C19orf47: variants seen among roughly 807,000 people sequenced by gnomAD.
C19orf47 encodes uncharacterized protein C19orf47.
Under a neutral mutation model 32.3 loss-of-function variants are expected in C19orf47, and 18 were observed. That is an observed-to-expected ratio of 0.56 (90% CI 0.39 to 0.83). The LOEUF is 0.83. Ranked by LOEUF, C19orf47 falls within the 40% of genes least tolerant of loss-of-function variation. The pLI, the probability that C19orf47 is intolerant of heterozygous loss-of-function variation, is 0.00. For synonymous variants in C19orf47, 202 were observed against 211.1 expected (o/e 0.96, Z 0.37); for missense variants, 484 against 531.6 (o/e 0.91, Z 0.88).
chr19:40,301,089 G>C, the C19orf47 span, among the ~76,000 whole-genome samples: 1 of 152,056 alleles, frequency 6.6e-6, no homozygotes, highest in African/African-American at 2.4e-5. Context: ...CTTGAGCCCG[G>C]GAGGTGGAGG....
the C19orf47 span, among the ~76,000 whole-genome samples, chr19:40,309,428 A>C: frequency 6.6e-6 from 1 of 152,044 alleles, no homozygotes; most frequent in Non-Finnish European, 1.5e-5. Flanking sequence ...ACCTCAGGTG[A>C]TCTGCCGGCC....
the C19orf47 span, among the ~76,000 whole-genome samples, chr19:40,297,872 C>CA: frequency 0.45 from 47,652 of 104,858 alleles, 10,884 homozygotes; most frequent in South Asian, 0.66. Context: ...GACTCCGTCT[C>CA]AAAAAAAAAA....
chr19:40,346,878 T>A (rs1274348573), intron 1 of C19orf47, among the ~76,000 whole-genome samples: 1 of 151,804 alleles, frequency 6.6e-6, no homozygotes, highest in Non-Finnish European at 1.5e-5. Flanking sequence ...ATAAACAGAG[T>A]CCTTAGAACA....
chr19:40,297,701 GAAAA>G, the C19orf47 span, among the ~76,000 whole-genome samples: 10 of 110,862 alleles, frequency 9.0e-5, no homozygotes, highest in Admixed American at 1.7e-4. Context: ...CTCCGTCTCG[GAAAA>G]AAAAAAAAAA....
Position 40,342,007 on chromosome 19 carries a change from C to G in C19orf47, c.-33-117G>C, listed in dbSNP as rs899537826. 2.0e-6 allele frequency: 3 copies of G among 1,507,148 alleles called. No individual in the cohort carries two copies. The Admixed American group carries it at 6.2e-5, about 31-fold the overall frequency. The allele number at this position is 1,507,148 out of a possible 1,614,324, so 93.4% of individuals were successfully genotyped here. Reference sequence around the variant, plus strand: ...ATGTTCCTGGGCTAGGGGCTCACCGCCCAGGAATAGCCTGGAGCAGCTGGC... The same window carrying G: ...ATGTTCCTGGGCTAGGGGCTCACCGGCCAGGAATAGCCTGGAGCAGCTGGC... On this transcript the variant is annotated intron_variant, in intron 1 of 8. Transcript: ENST00000683109.
intron 1 of C19orf47, chr19:40,343,795 A>ATTTT: frequency 7.4e-6 from 1 of 135,594 alleles, no homozygotes; most frequent in Non-Finnish European, 1.6e-5. Context: ...CTTCTGCTCA[A>ATTTT]TTTTTTTTTT....
chr19:40,304,060 T>G, the C19orf47 span, among the ~76,000 whole-genome samples: 1 of 152,160 alleles, frequency 6.6e-6, no homozygotes, highest in African/African-American at 2.4e-5. Flanking sequence ...GGCCTGACTG[T>G]GATGGCAGCC....
chr19:40,300,522 T>C, the C19orf47 span, among the ~76,000 whole-genome samples: 1 of 152,172 alleles, frequency 6.6e-6, no homozygotes, highest in Non-Finnish European at 1.5e-5. Context: ...CTAAAAATTA[T>C]GAGATTCCTA....
At position 40,338,787 on chromosome 19, in the gene C19orf47, G is replaced by T. The variant is rs915961496; in HGVS notation, c.20-2380C>A. ...CCTGCCTCGGCCTCCCAAAGTGCTG[G>T]GATTACAGGCATGCACCATAACACC... On this transcript the variant is annotated intron_variant, in intron 2 of 8. Coordinates refer to ENST00000683109, the MANE Select transcript of C19orf47 (RefSeq NM_001256441.2). 1.8e-4 allele frequency among the ~76,000 whole-genome samples: 27 copies of T among 152,194 alleles called. No homozygotes were observed. In the East Asian group the frequency reaches 5.2e-3, roughly 29 times the overall value.
rs182169625 is a variant in C19orf47 at position 40,339,892 on chromosome 19, T to G, written c.19+1947A>C. ...CTGGAGGCTGAGGCAGGAGAATTGC[T>G]TGAACCCAGGAGGCAGAGGTTGCGG... On this transcript the variant is annotated intron_variant, in intron 2 of 8. Coordinates refer to ENST00000683109, the MANE Select transcript of C19orf47 (RefSeq NM_001256441.2). 7.0e-3 allele frequency among the ~76,000 whole-genome samples: 1,063 copies of G among 151,584 alleles called. 3 individuals are homozygous for G. The highest frequency in any genetic ancestry group is 0.011 in the Non-Finnish European group (741 of 67,916).
the C19orf47 span, among the ~76,000 whole-genome samples, chr19:40,304,917 C>G: frequency 6.6e-6 from 1 of 152,114 alleles, no homozygotes; most frequent in African/African-American, 2.4e-5. Flanking sequence ...GATTTTTATT[C>G]CAGGTCTGAA....
the C19orf47 span, among the ~76,000 whole-genome samples, chr19:40,308,744 G>C: frequency 3.9e-5 from 6 of 152,056 alleles, no homozygotes. Context: ...GATTACAGGC[G>C]TGAGCCACCA....
chr19:40,293,806 G>A, the C19orf47 span, among the ~76,000 whole-genome samples: 29 of 152,046 alleles, frequency 1.9e-4, no homozygotes, highest in Non-Finnish European at 3.8e-4. Flanking sequence ...TAATGTGTAA[G>A]CCAGCCAAAG....
chr19:40,303,702 G>T, the C19orf47 span, among the ~76,000 whole-genome samples: 6 of 150,892 alleles, frequency 4.0e-5, no homozygotes, highest in African/African-American at 1.5e-4. Flanking sequence ...TACTCAGGAG[G>T]CTGAGGCAGG....
At chr19:40,342,089 G>A in intron 1 of C19orf47, 199 bp from the exon 2 acceptor site, 1 of 982,926 alleles carries the variant, frequency 1.0e-6, no homozygotes, top group Non-Finnish European at 1.2e-6. Context: ...CCTGAGACAA[G>A]GCCCAGGGAC....
chr19:40,325,923 C>T (rs1568607888), intron 7 of C19orf47, among the ~76,000 whole-genome samples: 1 of 152,182 alleles, frequency 6.6e-6, no homozygotes, highest in African/African-American at 2.4e-5. Flanking sequence ...TACAGGTGTG[C>T]GTCACCACAC....
In C19orf47 at chr19:40,322,281, C is replaced by G; in HGVS notation, c.759G>C (p.Gln253His). The G allele has an allele frequency of 6.2e-7, 1 of 1,609,030 alleles. No individual in the cohort carries two copies. Among genetic ancestry groups the G allele is most frequent in the Non-Finnish European group, 8.5e-7 (1 of 1,179,852 alleles). ...SDNDSSSSVL[Q>H]YAGVLKKLGR... ...CTAGCTTCTTCAGGACCCCGGCATA[C>G]TGCAAGACAGAGCTGCTGCTGTCAT... is the stretch of plus-strand genomic sequence containing the variant. The change falls in exon 9 of 9, where the codon CAG (glutamine) becomes CAC (histidine). Residue 253 changes from glutamine (Q) to histidine (H), a missense_variant. Physicochemically the swap from Gln to His is conservative, Grantham distance 24 (BLOSUM62 0). Coordinates refer to ENST00000683109, the MANE Select transcript of C19orf47 (RefSeq NM_001256441.2).
At chr19:40,336,971 G>A (rs1375391577) in intron 2 of C19orf47, among the ~76,000 whole-genome samples, 1 of 152,170 alleles carries the variant, frequency 6.6e-6, no homozygotes, top group African/African-American at 2.4e-5. Context: ...TCGGAGCTTG[G>A]GTTTGAATCC....
chr19:40,317,542 G>A (rs903649542), downstream of C19orf47, among the ~76,000 whole-genome samples: 1 of 152,020 alleles, frequency 6.6e-6, no homozygotes, highest in African/African-American at 2.4e-5. Flanking sequence ...AATGTATAAC[G>A]GGTGGGCCAC....
Sources: allele counts gnomAD v4.1 joint callset (sites outside exome capture counted in the v4.1 genomes callset), GRCh38; gene constraint gnomAD v4.1.1; transcripts MANE v1.5; gene names NCBI Gene and HGNC (gene_info 2026-07-23, HGNC 2026-07-21).